TRPM3: variants seen among roughly 807,000 people sequenced by gnomAD.
TRPM3 encodes the protein long transient receptor potential channel 3.
In TRPM3, 77 loss-of-function variants were observed where a neutral mutation model predicts 181.2. That is an observed-to-expected ratio of 0.42 (90% CI 0.35 to 0.51). TRPM3 has a LOEUF of 0.51. Among genes scored for constraint, TRPM3 ranks in the 20% least tolerant of loss-of-function variants. The pLI, the probability that TRPM3 is intolerant of heterozygous loss-of-function variation, is 0.01. For missense variants in TRPM3, 1,759 were observed against 2,196.7 expected (o/e 0.80, Z 3.98); for synonymous variants, 745 against 796.4 (o/e 0.94, Z 1.09).
intron 1 of TRPM3, among the ~76,000 whole-genome samples, chr9:71,151,948 T>G (rs942227815): frequency 5.9e-5 from 9 of 152,066 alleles, no homozygotes; most frequent in African/African-American, 1.4e-4. Flanking sequence ...AAATGAAAAA[T>G]GTATGTTATA....
intron 1 of TRPM3, among the ~76,000 whole-genome samples, chr9:71,147,392 C>T (rs544652340): frequency 1.3e-5 from 2 of 149,182 alleles, no homozygotes; most frequent in South Asian, 4.3e-4. Flanking sequence ...CACACTACCA[C>T]TGAACATCTG....
At chr9:71,219,834 TGTGTTTACAA>T (rs2080121358) in intron 1 of TRPM3, among the ~76,000 whole-genome samples, 1 of 152,218 alleles carries the variant, frequency 6.6e-6, no homozygotes, top group Admixed American at 6.5e-5. Context: ...GGTCATAGAA[TGTGTTTACAA>T]GTGGCCTTGA....
At chr9:70,598,323 C>T in intron 21 of TRPM3, 96 bp downstream of exon 21, 1 of 1,513,266 alleles carries the variant, frequency 6.6e-7, no homozygotes, top group African/African-American at 1.4e-5. Flanking sequence ...CTCATTTAGA[C>T]TTTGATAGCA....
intron 1 of TRPM3, among the ~76,000 whole-genome samples, chr9:71,399,328 C>T (rs2093278219): frequency 2.0e-5 from 3 of 152,042 alleles, no homozygotes; most frequent in Admixed American, 2.0e-4. Context: ...CCACAACCTC[C>T]TTGCTTTATG....
At chr9:70,870,518 G>T (rs1256672383) in intron 1 of TRPM3, among the ~76,000 whole-genome samples, 1 of 151,990 alleles carries the variant, frequency 6.6e-6, no homozygotes, top group African/African-American at 2.4e-5. Flanking sequence ...CTCTGCAGCT[G>T]TAACACTCCC....
At chr9:70,571,550 G>T (rs1205152417) in intron 22 of TRPM3, among the ~76,000 whole-genome samples, 1 of 152,048 alleles carries the variant, frequency 6.6e-6, no homozygotes, top group African/African-American at 2.4e-5. Context: ...TGAACCATAT[G>T]CACTTTTTGA....
At chr9:70,944,395 G>C (rs2133597551) in intron 1 of TRPM3, among the ~76,000 whole-genome samples, 1 of 152,248 alleles carries the variant, frequency 6.6e-6, no homozygotes, top group African/African-American at 2.4e-5. Context: ...GCTTTAGACA[G>C]CAGAGCCTAT....
intron 22 of TRPM3, among the ~76,000 whole-genome samples, chr9:70,567,808 G>A (rs1406347427): frequency 6.6e-6 from 1 of 152,196 alleles, no homozygotes; most frequent in African/African-American, 2.4e-5. Flanking sequence ...TACGGACTTA[G>A]GGAGTTTATA....
intron 1 of TRPM3, among the ~76,000 whole-genome samples, chr9:71,081,617 T>C (rs757368638): frequency 6.6e-5 from 10 of 152,192 alleles, no homozygotes; most frequent in African/African-American, 9.6e-5. Flanking sequence ...AAAATGTGAC[T>C]TTAATTTTGG....
chr9:70,658,668 TG>T (rs1158822086), intron 9 of TRPM3, among the ~76,000 whole-genome samples: 1 of 152,150 alleles, frequency 6.6e-6, no homozygotes, highest in Admixed American at 6.6e-5. Flanking sequence ...TAAAACTTTT[TG>T]TCATCCATGG....
At chr9:70,987,571 A>C (rs1427396614) in intron 1 of TRPM3, among the ~76,000 whole-genome samples, 1 of 152,110 alleles carries the variant, frequency 6.6e-6, no homozygotes, top group Non-Finnish European at 1.5e-5. Flanking sequence ...AATGGCAAAA[A>C]CCGCAATTAA....
At chr9:71,309,183 A>G (rs775425523) in intron 1 of TRPM3, among the ~76,000 whole-genome samples, 3 of 152,174 alleles carry the variant, frequency 2.0e-5, no homozygotes, top group Non-Finnish European at 4.4e-5. Flanking sequence ...AAAAAGACTC[A>G]CAACAACCAA....
chr9:71,227,019 G>C (rs1016197426), intron 1 of TRPM3, among the ~76,000 whole-genome samples: 1 of 144,360 alleles, frequency 6.9e-6, no homozygotes, highest in African/African-American at 2.6e-5. Flanking sequence ...TGAGGCAGGA[G>C]AATTGTTTGA....
intron 1 of TRPM3, among the ~76,000 whole-genome samples, chr9:71,072,584 G>T (rs2062910697): frequency 1.3e-5 from 2 of 152,244 alleles, no homozygotes; most frequent in South Asian, 4.1e-4. Context: ...ACAGTTCTTG[G>T]GTTGCAGAAT....
chr9:70,615,954 G>A lies in TRPM3; in HGVS notation c.2480C>T (p.Pro827Leu). The change falls in exon 18 of 26, where the codon CCA (proline) becomes CTA (leucine). Residue 827 changes from proline (P) to leucine (L), a missense_variant. Pro to Leu is a moderately conservative substitution (Grantham distance 98, BLOSUM62 -3). Coordinates refer to ENST00000677713, the MANE Select transcript of TRPM3 (RefSeq NM_001366145.2). ...CTCTTTTTCCTTTGTGGGCTTCTCT[G>A]GTTCTTCTGCCTCCTTCTCTTGGAG... ...IHLQEKEAEEPEKPTKEKEEE... is the reference protein window; with the variant it reads ...IHLQEKEAEELEKPTKEKEEE... 6.2e-7 allele frequency: 1 copy of A among 1,612,614 alleles called. No homozygotes were observed.
At chr9:71,414,357 A>G (rs1466693603) in intron 1 of TRPM3, among the ~76,000 whole-genome samples, 1 of 152,126 alleles carries the variant, frequency 6.6e-6, no homozygotes, top group Non-Finnish European at 1.5e-5. Context: ...GATGTTGTGA[A>G]ACAGACTTTA....
intron 1 of TRPM3, among the ~76,000 whole-genome samples, chr9:71,331,833 A>AG (rs1478742807): frequency 5.6e-4 from 2 of 3,550 alleles, no homozygotes; most frequent in African/African-American, 1.2e-3. Flanking sequence ...AAGGAAGAGG[A>AG]GAGGGAGGAG....
chr9:71,214,890 T>C (rs189177509), intron 1 of TRPM3, among the ~76,000 whole-genome samples: 30 of 152,268 alleles, frequency 2.0e-4, no homozygotes, highest in Admixed American at 4.6e-4. Flanking sequence ...TCTTCTTTGA[T>C]GCTTCCCTGA....
intron 1 of TRPM3, among the ~76,000 whole-genome samples, chr9:71,221,537 G>T: frequency 6.6e-6 from 1 of 152,022 alleles, no homozygotes; most frequent in East Asian, 1.9e-4. Flanking sequence ...TAAGTCATGA[G>T]AAATCTGGTG....
Sources: gnomAD v4.1 joint callset for allele counts (sites outside exome capture counted in the v4.1 genomes callset) on GRCh38, gnomAD v4.1.1 for gene constraint, MANE v1.5 for transcripts, NCBI Gene and HGNC (gene_info 2026-07-23, HGNC 2026-07-21) for gene names.